Variants in MACROH2A2 observed in about 807,000 individuals in gnomAD.
The protein encoded by MACROH2A2 is macroH2A.2 histone, also known as core histone macro-H2A.2.
A neutral mutation model predicts 37.6 loss-of-function variants in MACROH2A2; 6 were observed. The ratio of observed to expected loss-of-function variants is 0.16; its 90% CI spans 0.09 to 0.32. The LOEUF (loss-of-function observed/expected upper bound fraction) is 0.32. Ranked by LOEUF, MACROH2A2 falls within the 10% of genes least tolerant of loss-of-function variation. The pLI is 1.00. For synonymous variants in MACROH2A2, 192 were observed against 202.7 expected (o/e 0.95, Z 0.45); for missense variants, 290 against 485.9 (o/e 0.60, Z 3.79).
chr10:70,111,781 G>A lies in MACROH2A2; in HGVS notation c.*98G>A. ...AGAGGAGGGGTGATGGCAGGGGAGT[G>A]GAGGGTGGCCGGGCAGGTCCTGCCG... On this transcript the variant is annotated 3_prime_UTR_variant, in exon 9 of 9. Transcript: ENST00000373255. 9.0e-7 allele frequency: 1 copy of A among 1,109,346 alleles called. No homozygotes were observed. Among genetic ancestry groups the A allele is most frequent in the African/African-American group, 1.6e-5 (1 of 62,502 alleles). 68.7% of individuals were successfully genotyped at this position (1,109,346 alleles called of 1,614,324 possible).
rs754377988 is a variant in MACROH2A2 at position 70,111,726 on chromosome 10, C to T, written c.*43C>T. Reference sequence around the variant, plus strand: ...AGGGATCGGAGGACGACCCGAGTCCCAAGAGTGGGGTTTTGCTTTTTAAAA... The same window carrying T: ...AGGGATCGGAGGACGACCCGAGTCCTAAGAGTGGGGTTTTGCTTTTTAAAA... On this transcript the variant is annotated 3_prime_UTR_variant, in exon 9 of 9. Coordinates refer to ENST00000373255, the MANE Select transcript of MACROH2A2 (RefSeq NM_018649.3). The T allele has an allele frequency of 1.6e-5, 24 of 1,507,524 alleles. No individual in the cohort carries two copies. Among genetic ancestry groups the T allele is most frequent in the Non-Finnish European group, 2.1e-5 (24 of 1,121,500 alleles). 93.4% of individuals were successfully genotyped at this position (1,507,524 alleles called of 1,614,324 possible).
chr10:70,085,973 A>T (rs1484300441), intron 2 of MACROH2A2, among the ~76,000 whole-genome samples: 3 of 151,858 alleles, frequency 2.0e-5, no homozygotes, highest in Non-Finnish European at 4.4e-5. Context: ...AATGATGATT[A>T]ATGTTTTTCT....
At chr10:70,077,316 C>CCAG (rs2072145371) in intron 2 of MACROH2A2, among the ~76,000 whole-genome samples, 1 of 152,200 alleles carries the variant, frequency 6.6e-6, no homozygotes, top group Non-Finnish European at 1.5e-5. Flanking sequence ...ACCTGTAATC[C>CCAG]CAGCACTTTG....
intron 6 of MACROH2A2, chr10:70,099,262 C>T (rs2072293146): frequency 6.6e-6 from 1 of 152,208 alleles, no homozygotes; most frequent in African/African-American, 2.4e-5. Context: ...GACACTTGTC[C>T]TAAACCAGCT....
At chr10:70,082,171 G>T (rs1437346846) in intron 2 of MACROH2A2, among the ~76,000 whole-genome samples, 2 of 152,180 alleles carry the variant, frequency 1.3e-5, no homozygotes, top group African/African-American at 4.8e-5. Flanking sequence ...TGTAATCCCT[G>T]CACTTTGGGA....
rs1564547186 is a variant in MACROH2A2 at position 70,100,230 on chromosome 10, G to A, written c.711G>A (p.Gly237=). 1 of 1,609,092 alleles carries A rather than the reference G, an allele frequency of 6.2e-7. No individual in the cohort carries two copies. The highest frequency in any genetic ancestry group is 8.5e-7 in the Non-Finnish European group (1 of 1,175,726). ...EDIGKALEKA[G]GKEFLETVKE... ...CAGGTAAAGCCTTGGAAAAGGCTGGGGGAAAAGAGTTCTTGGAAACGGTAA... is the reference window on the plus strand; with the variant it reads ...CAGGTAAAGCCTTGGAAAAGGCTGGAGGAAAAGAGTTCTTGGAAACGGTAA... The change falls in exon 7 of 9, where the codon GGG becomes GGA. Residue 237 remains glycine (G), a synonymous_variant. Transcript: ENST00000373255.
chr10:70,083,386 C>T (rs945132108), intron 2 of MACROH2A2, among the ~76,000 whole-genome samples: 9 of 152,218 alleles, frequency 5.9e-5, no homozygotes, highest in African/African-American at 1.9e-4. Flanking sequence ...AAGCAGTGCT[C>T]TTCACCCCCA....
chr10:70,060,817 T>A (rs1338270869), intron 1 of MACROH2A2, among the ~76,000 whole-genome samples: 1 of 152,158 alleles, frequency 6.6e-6, no homozygotes, highest in Admixed American at 6.5e-5. Flanking sequence ...CTTATTTAAA[T>A]TAAAAGAAAA....
rs2071986054 is a variant in MACROH2A2, at chr10:70,053,176, A to G, written c.-60+176A>G. Among the ~76,000 whole-genome samples, 1 of 152,286 alleles carries G rather than the reference A, an allele frequency of 6.6e-6. No individual in the cohort carries two copies. The highest frequency in any genetic ancestry group is 2.4e-5 in the African/African-American group (1 of 41,578). ...TCTGCAAAAACAAATTCTTAAATCC[A>G]GCTGCCCAACTTGCTTCCTTGGGCG... On this transcript the variant is annotated intron_variant, in intron 1 of 8. Transcript: ENST00000373255. The surrounding 1 kb of genome is among the most constrained non-coding windows in gnomAD (Gnocchi z 4.8).
At chr10:70,068,695 G>A (rs1217140964) in intron 1 of MACROH2A2, among the ~76,000 whole-genome samples, 8 of 152,154 alleles carry the variant, frequency 5.3e-5, no homozygotes, top group African/African-American at 1.4e-4. Flanking sequence ...CTGAACCATC[G>A]GGAGCTGGTA....
chr10:70,058,410 A>G (rs2072029665), intron 1 of MACROH2A2, among the ~76,000 whole-genome samples: 2 of 152,232 alleles, frequency 1.3e-5, no homozygotes, highest in Non-Finnish European at 2.9e-5. Context: ...CTGAGATGTC[A>G]GAAGGGTTAG....
Position 70,109,103 on chromosome 10 carries a change from C to G in MACROH2A2, c.849C>G (p.Ser283=). Residue 283 remains serine (S), a synonymous_variant, in exon 8 of 9, where the codon TCC becomes TCG. Transcript: ENST00000373255. Reference sequence around the variant, plus strand: ...ACTGTCACATCCCTCAGTGGGGCTCCGACAAATGTGAAGAACAGCTTGAAG... The same window carrying G: ...ACTGTCACATCCCTCAGTGGGGCTCGGACAAATGTGAAGAACAGCTTGAAG... ...VIHCHIPQWG[S]DKCEEQLEET... The G allele has an allele frequency of 6.2e-7, 1 of 1,614,058 alleles. No individual in the cohort carries two copies. The highest frequency in any genetic ancestry group is 1.1e-5 in the South Asian group (1 of 91,078).
chr10:70,056,432 C>T (rs1200142002), intron 1 of MACROH2A2, among the ~76,000 whole-genome samples: 1 of 152,166 alleles, frequency 6.6e-6, no homozygotes, highest in Non-Finnish European at 1.5e-5. Flanking sequence ...GCGTGTGCCA[C>T]CATGCCCGGC....
Position 70,079,526 on chromosome 10 carries a change from G to C in MACROH2A2, c.172+3696G>C, listed in dbSNP as rs1015045354. On this transcript the variant is annotated intron_variant, in intron 2 of 8. Coordinates refer to ENST00000373255, the MANE Select transcript of MACROH2A2 (RefSeq NM_018649.3). ...AGGGCAGCAGGCGCTAGACTGTGAC[G>C]GCCCTTGAAGGCCACGTTGAGGGTT... 2.0e-5 allele frequency among the ~76,000 whole-genome samples: 3 copies of C among 150,508 alleles called. No homozygotes were observed. The East Asian group carries it at 5.9e-4, about 30-fold the overall frequency.
intron 1 of MACROH2A2, among the ~76,000 whole-genome samples, chr10:70,072,587 C>A (rs1162689893): frequency 6.6e-6 from 1 of 152,176 alleles, no homozygotes; most frequent in Non-Finnish European, 1.5e-5. Flanking sequence ...TTTTATATGA[C>A]TGGCAGCACA....
intron 2 of MACROH2A2, among the ~76,000 whole-genome samples, chr10:70,081,880 T>A (rs144386768): frequency 2.4e-3 from 367 of 152,314 alleles, no homozygotes; most frequent in Non-Finnish European, 3.9e-3. Flanking sequence ...GGATAAATGC[T>A]TGAGAAGGAA....
Position 70,111,767 on chromosome 10 carries a change from G to A in MACROH2A2, c.*84G>A. ...CTTTTTAAAAGGAGAGAGGAGGGGT[G>A]ATGGCAGGGGAGTGGAGGGTGGCCG... On this transcript the variant is annotated 3_prime_UTR_variant, in exon 9 of 9. Transcript: ENST00000373255. 1 of 1,236,326 alleles carries A rather than the reference G, an allele frequency of 8.1e-7. No individual in the cohort carries two copies. The highest frequency in any genetic ancestry group is 1.1e-6 in the Non-Finnish European group (1 of 920,712). The allele number at this position is 1,236,326 out of a possible 1,614,324, so 76.6% of individuals were successfully genotyped here.
intron 1 of MACROH2A2, among the ~76,000 whole-genome samples, chr10:70,055,386 T>C (rs985566112): frequency 2.6e-5 from 4 of 152,336 alleles, no homozygotes; most frequent in Non-Finnish European, 5.9e-5. Context: ...CAAACACTTA[T>C]TGAGCACCAA....
rs778129771 is a variant in MACROH2A2, at chr10:70,109,125, G to A, written c.871G>A (p.Glu291Lys). 6.2e-7 allele frequency: 1 copy of A among 1,614,170 alleles called. No individual in the cohort carries two copies. The highest frequency in any genetic ancestry group is 8.5e-7 in the Non-Finnish European group (1 of 1,179,972). ...WGSDKCEEQL[E>K]ETIKNCLSAA... The stretch of plus-strand genomic sequence containing the variant: ...CTCCGACAAATGTGAAGAACAGCTT[G>A]AAGAGACCATCAAAAACTGCCTGTC... The change falls in exon 8 of 9, where the codon GAA (glutamate) becomes AAA (lysine). Residue 291 changes from glutamate (E) to lysine (K), a missense_variant. Around this residue, in one of 3 missense-constraint regions of MACROH2A2, gnomAD observed 130 missense variants for 257.1 expected, o/e 0.51. Coordinates refer to ENST00000373255, the MANE Select transcript of MACROH2A2 (RefSeq NM_018649.3).
Sources: gnomAD v4.1 joint callset for allele counts (sites outside exome capture counted in the v4.1 genomes callset) on GRCh38, gnomAD v4.1.1 for gene constraint, gnomAD v4.1.1 regional missense constraint, Gnocchi (gnomAD v3.1) non-coding constraint, MANE v1.5 for transcripts, NCBI Gene and HGNC (gene_info 2026-07-23, HGNC 2026-07-21) for gene names.